MKLN1: variants seen among roughly 807,000 people sequenced by gnomAD.
MKLN1 encodes the protein muskelin.
A neutral mutation model predicts 99.0 loss-of-function variants in MKLN1; 18 were observed. That is an observed-to-expected ratio of 0.18 (90% confidence interval 0.13 to 0.27). MKLN1 has a LOEUF of 0.27. MKLN1 is among the 10% of genes least tolerant of loss of function. The pLI, the probability that MKLN1 is intolerant of heterozygous loss-of-function variation, is 1.00. For missense variants in MKLN1, 621 were observed against 875.9 expected (o/e 0.71, Z 3.67); for synonymous variants, 288 against 293.2 (o/e 0.98, Z 0.18).
At chr7:131,364,105 A>G (rs559410211) in intron 1 of MKLN1, among the ~76,000 whole-genome samples, 5 of 152,266 alleles carry the variant, frequency 3.3e-5, no homozygotes, top group South Asian at 4.1e-4. Flanking sequence ...GGAGAAAGCT[A>G]TCATTTTTAT....
At chr7:131,179,319 G>A (rs1205404611) in intron 2 of MKLN1, among the ~76,000 whole-genome samples, 1 of 152,098 alleles carries the variant, frequency 6.6e-6, no homozygotes, top group Non-Finnish European at 1.5e-5. Context: ...GTGCTGTGTG[G>A]TCAGCACTTC....
chr7:131,482,171 T>G (rs1230253032), intron 17 of MKLN1, among the ~76,000 whole-genome samples: 1 of 152,198 alleles, frequency 6.6e-6, no homozygotes, highest in Non-Finnish European at 1.5e-5. Flanking sequence ...ATCTGGTCTG[T>G]AAAGCATGTT....
intron 2 of MKLN1, among the ~76,000 whole-genome samples, chr7:131,202,170 TTTTTTTTTG>T: frequency 9.1e-6 from 1 of 110,382 alleles, no homozygotes; most frequent in African/African-American, 3.9e-5. Context: ...TTTTTTTTTT[TTTTTTTTTG>T]AGATGTTGTC....
chr7:131,457,787 A>C (rs1783347600), intron 12 of MKLN1, among the ~76,000 whole-genome samples: 1 of 151,956 alleles, frequency 6.6e-6, no homozygotes, highest in Non-Finnish European at 1.5e-5. Context: ...TTGGCGGCGC[A>C]TGTCTGTAAT....
At chr7:131,376,131 TATATGTATG>T (rs1287864863) in intron 2 of MKLN1, among the ~76,000 whole-genome samples, 7 of 328 alleles carry the variant, frequency 0.021, no homozygotes, top group African/African-American at 0.041. Context: ...TATATATATA[TATATGTATG>T]ATGTATGTAT....
intron 9 of MKLN1, among the ~76,000 whole-genome samples, chr7:131,436,686 C>T (rs1795684085): frequency 6.6e-6 from 1 of 152,142 alleles, no homozygotes; most frequent in Non-Finnish European, 1.5e-5. Context: ...AGTTGTTTAA[C>T]AAACATTAGT....
chr7:131,383,575 G>T (rs1793914772), intron 2 of MKLN1, among the ~76,000 whole-genome samples: 1 of 152,160 alleles, frequency 6.6e-6, no homozygotes, highest in South Asian at 2.1e-4. Context: ...ACACTGGAGT[G>T]ATTTATTACA....
chr7:131,221,669 G>A (rs370638988), intron 3 of MKLN1, among the ~76,000 whole-genome samples: 2 of 148,360 alleles, frequency 1.3e-5, no homozygotes, highest in Non-Finnish European at 1.5e-5. Context: ...CACCACACCC[G>A]GCTAATTTTT....
At chr7:131,159,034 A>C (rs978411032) in intron 2 of MKLN1, among the ~76,000 whole-genome samples, 3 of 150,976 alleles carry the variant, frequency 2.0e-5, no homozygotes, top group Admixed American at 2.0e-4. Flanking sequence ...CTACAAAAAA[A>C]TTTAAAAAAA....
intron 9 of MKLN1, among the ~76,000 whole-genome samples, chr7:131,436,349 C>T (rs1162490190): frequency 1.3e-5 from 2 of 152,184 alleles, no homozygotes; most frequent in Non-Finnish European, 2.9e-5. Context: ...ATTGTCTCCT[C>T]TGTCAGTCAT....
chr7:131,339,881 G>A (rs1220445552), intron 1 of MKLN1, among the ~76,000 whole-genome samples: 1 of 151,630 alleles, frequency 6.6e-6, no homozygotes, highest in African/African-American at 2.4e-5. Context: ...GTAAATGTTA[G>A]TATTTAATAC....
chr7:131,183,354 G>A (rs79157301), intron 2 of MKLN1, among the ~76,000 whole-genome samples: 2,452 of 152,182 alleles, frequency 0.016, 72 homozygotes, highest in African/African-American at 0.057. Flanking sequence ...TCAGCTTGAC[G>A]GGGGTGGGGA....
At chr7:131,213,190 A>G (rs1796932602) in intron 3 of MKLN1, among the ~76,000 whole-genome samples, 1 of 152,146 alleles carries the variant, frequency 6.6e-6, no homozygotes, top group Non-Finnish European at 1.5e-5. Flanking sequence ...TGTGTTTGTA[A>G]AGTATAAAGG....
At chr7:131,334,339 G>C (rs1218273362) in intron 1 of MKLN1, among the ~76,000 whole-genome samples, 1 of 152,064 alleles carries the variant, frequency 6.6e-6, no homozygotes, top group Non-Finnish European at 1.5e-5. Flanking sequence ...TAAGGACACT[G>C]GCCCTGTTTG....
chr7:131,323,841 G>T, upstream of MKLN1: 1 of 152,232 alleles, frequency 6.6e-6, no homozygotes. Flanking sequence ...TCAAGGTATG[G>T]GGGACCAGAC....
At position 131,491,660 on chromosome 7, in the gene MKLN1, C is replaced by T. The variant is rs373102343; in HGVS notation, c.*3932C>T. On this transcript the variant is annotated 3_prime_UTR_variant, in exon 18 of 18. Transcript: ENST00000352689. Reference sequence around the variant, plus strand: ...TAGCTTACGTGAATGATGTTGCCCTCATTTGTTTTGGGTGAGGACTCATTA... The same window carrying T: ...TAGCTTACGTGAATGATGTTGCCCTTATTTGTTTTGGGTGAGGACTCATTA... 3.9e-5 allele frequency: 6 copies of T among 152,312 alleles called. No homozygotes were observed. The highest frequency in any genetic ancestry group is 3.9e-4 in the Admixed American group (6 of 15,278). 9.4% of individuals were successfully genotyped at this position (152,312 alleles called of 1,614,324 possible).
Position 131,493,576 on chromosome 7 carries a change from CTGTT to C in MKLN1, c.*5851_*5854del, listed in dbSNP as rs745980108. The C allele has an allele frequency of 3.9e-5, 6 of 152,192 alleles. No homozygotes were observed. The highest frequency in any genetic ancestry group is 2.1e-4 in the South Asian group (1 of 4,830). The allele number at this position is 152,192 out of a possible 1,614,324, so 9.4% of individuals were successfully genotyped here. ...GTAGCATTTCCCTTCTTCCAAATAA[CTGTT>C]TGAGATCTTAAAACAGAAAATCCAG... On this transcript the variant is annotated 3_prime_UTR_variant, in exon 18 of 18. Transcript: ENST00000352689.
At chr7:131,291,088 T>A (rs58078966) in intron 3 of MKLN1, among the ~76,000 whole-genome samples, 4,434 of 142,218 alleles carry the variant, frequency 0.031, 206 homozygotes, top group African/African-American at 0.11. Flanking sequence ...GCTTTTCCTT[T>A]TATCTCATTT....
intron 17 of MKLN1, among the ~76,000 whole-genome samples, chr7:131,485,740 A>G (rs546897460): frequency 6.6e-6 from 1 of 152,168 alleles, no homozygotes; most frequent in East Asian, 1.9e-4. Context: ...AGGCAACCCA[A>G]ATTCAACACA....
Sources: allele counts gnomAD v4.1 joint callset (sites outside exome capture counted in the v4.1 genomes callset), GRCh38; gene constraint gnomAD v4.1.1; transcripts MANE v1.5; gene names NCBI Gene and HGNC (gene_info 2026-07-23, HGNC 2026-07-21).